Variants in PFDN1 observed in about 807,000 individuals in gnomAD.
PFDN1 encodes prefoldin subunit 1.
In PFDN1, 6 loss-of-function variants were observed where a neutral mutation model predicts 17.3. The ratio of observed to expected loss-of-function variants is 0.35; its 90% confidence interval spans 0.19 to 0.69. PFDN1 has a LOEUF of 0.69. Among genes scored for constraint, PFDN1 ranks in the 30% least tolerant of loss-of-function variants. The pLI is 0.65. For synonymous variants in PFDN1, 58 were observed against 50.1 expected, an observed-to-expected ratio of 1.16 and a Z score of -0.67; for missense variants, 113 against 146.2, an observed-to-expected ratio of 0.77 and a Z score of 1.17.
chr5:140,283,040 G>C (rs1334908046), intron 2 of PFDN1, among the ~76,000 whole-genome samples: 1 of 152,166 alleles, frequency 6.6e-6, no homozygotes, highest in Non-Finnish European at 1.5e-5. Context: ...TTCTTATCAA[G>C]AGAGTCCGTT....
In PFDN1 at chr5:140,254,781, T is replaced by A. The variant is rs1248223370; in HGVS notation, c.286-8724A>T. Among the ~76,000 whole-genome samples, 1 of 152,224 alleles carries A rather than the reference T, an allele frequency of 6.6e-6. No homozygotes were observed. The highest frequency in any genetic ancestry group is 1.9e-4 in the East Asian group (1 of 5,200). On this transcript the variant is annotated intron_variant, in intron 3 of 3. Transcript: ENST00000261813. The surrounding 1 kb of genome is among the most constrained non-coding windows in gnomAD (Gnocchi z 4.4). ...TCGCTCCAGCATTTCTTCAACCTCG[T>A]CACGCAACAACTTGTTCATTTTCCA...
At position 140,298,046 on chromosome 5, in the gene PFDN1, C is replaced by T. The variant is rs563874122; in HGVS notation, c.200+2370G>A. Among the ~76,000 whole-genome samples the T allele has an allele frequency of 1.7e-4, 26 of 152,260 alleles. No homozygotes were observed. In the South Asian group the frequency reaches 5.0e-3, roughly 29 times the overall value. On this transcript the variant is annotated intron_variant, in intron 2 of 3. Transcript: ENST00000261813. The stretch of plus-strand genomic sequence containing the variant: ...CAATGCATTTCATACTACACAGACA[C>T]ATATTCAAGGGTTCTACTTTGTTCC...
intron 3 of PFDN1, among the ~76,000 whole-genome samples, chr5:140,269,518 CATGTTG>C (rs749443401): frequency 4.6e-5 from 7 of 151,508 alleles, no homozygotes; most frequent in Non-Finnish European, 1.0e-4. Context: ...GGGGTCTCTC[CATGTTG>C]GTCAGGCTGG....
intron 3 of PFDN1, among the ~76,000 whole-genome samples, chr5:140,262,036 A>T (rs1332770791): frequency 6.6e-6 from 1 of 152,228 alleles, no homozygotes; most frequent in East Asian, 1.9e-4. Flanking sequence ...AATAGCTCTG[A>T]TCTAATAGCT....
At chr5:140,259,446 T>C (rs1287917541) in intron 3 of PFDN1, among the ~76,000 whole-genome samples, 1 of 152,230 alleles carries the variant, frequency 6.6e-6, no homozygotes, top group East Asian at 1.9e-4. Flanking sequence ...ACTTTTCTTC[T>C]GTTTTGCCAA....
intron 3 of PFDN1, among the ~76,000 whole-genome samples, chr5:140,259,239 A>G (rs1021011534): frequency 6.6e-6 from 1 of 152,134 alleles, no homozygotes; most frequent in Non-Finnish European, 1.5e-5. Context: ...CCTGACCCTA[A>G]CTCCATGAAG....
intron 2 of PFDN1, among the ~76,000 whole-genome samples, chr5:140,285,872 C>T (rs530513344): frequency 2.0e-5 from 3 of 152,172 alleles, no homozygotes; most frequent in East Asian, 3.9e-4. Flanking sequence ...GGCATAATGG[C>T]ATGCACCTGT....
intron 2 of PFDN1, among the ~76,000 whole-genome samples, chr5:140,289,667 C>T (rs1488335473): frequency 3.3e-5 from 5 of 152,168 alleles, no homozygotes; most frequent in African/African-American, 1.2e-4. Context: ...CCACTATCAC[C>T]TGCACCATGC....
At chr5:140,286,016 T>TA (rs1765482188) in intron 2 of PFDN1, among the ~76,000 whole-genome samples, 1 of 151,614 alleles carries the variant, frequency 6.6e-6, no homozygotes, top group Non-Finnish European at 1.5e-5. Context: ...ACTAATTAAA[T>TA]AAAAAACCAA....
intron 3 of PFDN1, among the ~76,000 whole-genome samples, chr5:140,249,666 CTTCTGGAGAGGGT>C (rs1764884063): frequency 6.6e-6 from 1 of 152,192 alleles, no homozygotes; most frequent in African/African-American, 2.4e-5. Context: ...GCAGCATCTG[CTTCTGGAGAGGGT>C]TTCTGGCTGC....
At chr5:140,260,622 A>G (rs1347204684) in intron 3 of PFDN1, among the ~76,000 whole-genome samples, 1 of 150,136 alleles carries the variant, frequency 6.7e-6, no homozygotes, top group Non-Finnish European at 1.5e-5. Flanking sequence ...CCATTTATAA[A>G]CACCCAAAAC....
intron 3 of PFDN1, among the ~76,000 whole-genome samples, chr5:140,247,222 A>C (rs1186345355): frequency 6.6e-6 from 1 of 151,074 alleles, no homozygotes; most frequent in Non-Finnish European, 1.5e-5. Flanking sequence ...TCTACCTCCC[A>C]CCTCAGCCCA....
chr5:140,281,518 G>T lies in PFDN1; in HGVS notation c.216C>A (p.Ser72=). Residue 72 remains serine (S), a synonymous_variant, in exon 3 of 4, where the codon TCC becomes TCA. Transcript: ENST00000261813. ...ACAGCTGACTGTGAATTGCTTCCTT[G>T]GACTGAAGAATAAACCTATGAAACA... ...EGVGRMFILQ[S]KEAIHSQLLE... The T allele has an allele frequency of 6.3e-7, 1 of 1,577,180 alleles. No homozygotes were observed. The highest frequency in any genetic ancestry group is 8.7e-7 in the Non-Finnish European group (1 of 1,147,616).
At chr5:140,248,114 G>A (rs1404098858) in intron 3 of PFDN1, among the ~76,000 whole-genome samples, 1 of 148,782 alleles carries the variant, frequency 6.7e-6, no homozygotes, top group Non-Finnish European at 1.5e-5. Flanking sequence ...TGTTGCCCAG[G>A]CTGGAGTGCA....
intron 1 of PFDN1, 54 bp downstream of exon 1, chr5:140,302,987 A>G (rs1765770566): frequency 1.6e-6 from 2 of 1,217,210 alleles, no homozygotes; most frequent in Admixed American, 1.7e-5. Context: ...TCTTGTCTAT[A>G]GTCCCCTCAG....
At chr5:140,278,962 G>C (rs1765346690) in intron 3 of PFDN1, among the ~76,000 whole-genome samples, 1 of 152,116 alleles carries the variant, frequency 6.6e-6, no homozygotes, top group African/African-American at 2.4e-5. Context: ...GGAAGTACTG[G>C]AGAACATATT....
rs138774292 is a variant in PFDN1, at chr5:140,298,973, A to G, written c.200+1443T>C. On this transcript the variant is annotated intron_variant, in intron 2 of 3. Coordinates refer to ENST00000261813, the MANE Select transcript of PFDN1 (RefSeq NM_002622.5). The stretch of plus-strand genomic sequence containing the variant: ...ACCATGTTGGCCAGGCTGGTCTCAA[A>G]CCCCTAACCTCAGGGGATCCACCCA... Among the ~76,000 whole-genome samples the G allele has an allele frequency of 1.7e-3, 258 of 152,042 alleles. 1 individual carries two copies. Among genetic ancestry groups the G allele is most frequent in the African/African-American group, 6.1e-3 (255 of 41,498 alleles).
chr5:140,263,682 C>T (rs553190734), intron 3 of PFDN1, among the ~76,000 whole-genome samples: 5 of 152,094 alleles, frequency 3.3e-5, no homozygotes, highest in Non-Finnish European at 1.5e-5. Context: ...AGGCATAGCA[C>T]CAACATCTGC....
At chr5:140,282,504 C>CAA (rs1269139414) in intron 2 of PFDN1, among the ~76,000 whole-genome samples, 1 of 151,078 alleles carries the variant, frequency 6.6e-6, no homozygotes, top group East Asian at 1.9e-4. Context: ...ATGAGTTCCT[C>CAA]AAACAAAAAG....
Sources: gnomAD v4.1 joint callset for allele counts (sites outside exome capture counted in the v4.1 genomes callset) on GRCh38, gnomAD v4.1.1 for gene constraint, Gnocchi (gnomAD v3.1) non-coding constraint, MANE v1.5 for transcripts, NCBI Gene and HGNC (gene_info 2026-07-23, HGNC 2026-07-21) for gene names.